The following DKKL1 variants were observed in gnomAD, a reference collection of about 807,000 sequenced individuals.
DKKL1 encodes the protein dickkopf like acrosomal protein 1.
Under a neutral mutation model 16.5 loss-of-function variants are expected in DKKL1, and 11 were observed. The observed-to-expected ratio is 0.67, with a 90% CI of 0.42 to 1.10. DKKL1 has a LOEUF of 1.10. Among genes scored for constraint, DKKL1 ranks in the 50% least tolerant of loss-of-function variants. The probability of loss-of-function intolerance (pLI) is 0.00; values close to 1 mark genes in which losing one functional copy is unlikely to be tolerated. For missense variants in DKKL1, 320 were observed against 308.1 expected, an observed-to-expected ratio of 1.04 and a Z score of -0.29; for synonymous variants, 119 against 133.2, an observed-to-expected ratio of 0.89 and a Z score of 0.73.
At chr19:49,374,044 G>A (rs892333546) in intron 4 of DKKL1, among the ~76,000 whole-genome samples, 8 of 151,882 alleles carry the variant, frequency 5.3e-5, no homozygotes, top group African/African-American at 1.9e-4. Context: ...GAGTGCAGTG[G>A]TGCGATCTCG....
chr19:49,363,203 G>C (rs1468556939), upstream of DKKL1: 1 of 152,408 alleles, frequency 6.6e-6, no homozygotes, highest in Admixed American at 6.5e-5. Context: ...AAGGCTGCGT[G>C]TTCAAAATTA....
rs368445433 is a variant in DKKL1, at chr19:49,364,531, G to T, written c.11-51G>T. On this transcript the variant is annotated intron_variant, in intron 1 of 4. Coordinates refer to ENST00000221498, the MANE Select transcript of DKKL1 (RefSeq NM_014419.4). ...GCAAGGTGCTGGAGAGGGGCGTCTT[G>T]GGTGGGGGCGTGGCCACTGTGCGGG... The T allele has an allele frequency of 2.6e-6, 4 of 1,527,906 alleles. No individual in the cohort carries two copies. In the South Asian group the frequency reaches 3.7e-5, roughly 14 times the overall value. The allele number at this position is 1,527,906 out of a possible 1,614,324, so 94.6% of individuals were successfully genotyped here. A position where few individuals can be genotyped will look rare whatever the true frequency, so the allele number is the denominator to read the frequency against.
chr19:49,372,681 G>A (rs1483663096), intron 4 of DKKL1, among the ~76,000 whole-genome samples: 24 of 141,188 alleles, frequency 1.7e-4, no homozygotes, highest in African/African-American at 5.9e-4. Context: ...GCGACAGAGC[G>A]AGACTCCGTC....
Position 49,375,097 on chromosome 19 carries a change from A to C in DKKL1, c.*69A>C. 13 of 1,475,330 alleles carry C rather than the reference A, an allele frequency of 8.8e-6. No homozygotes were observed. The highest frequency in any genetic ancestry group is 1.1e-5 in the Non-Finnish European group (12 of 1,107,676). The allele number at this position is 1,475,330 out of a possible 1,614,324, so 91.4% of individuals were successfully genotyped here. A position where few individuals can be genotyped will look rare whatever the true frequency, so the allele number is the denominator to read the frequency against. On this transcript the variant is annotated 3_prime_UTR_variant, in exon 5 of 5. Transcript: ENST00000221498. ...CTGCCCCAAGCACCATATGGAAATA[A>C]AGTTCTTTCTTACATCTAACAACAC...
chr19:49,366,222 T>C (rs1343987332), intron 4 of DKKL1, among the ~76,000 whole-genome samples: 4 of 152,146 alleles, frequency 2.6e-5, no homozygotes, highest in African/African-American at 4.8e-5. Context: ...TGAGCCACCA[T>C]GCCTGGTGAG....
chr19:49,372,434 C>G (rs1354461702), intron 4 of DKKL1, among the ~76,000 whole-genome samples: 1 of 152,148 alleles, frequency 6.6e-6, no homozygotes, highest in Non-Finnish European at 1.5e-5. Flanking sequence ...TGGCTCACAC[C>G]TGTAATCCCA....
chr19:49,366,136 G>A (rs928333173), intron 4 of DKKL1, among the ~76,000 whole-genome samples: 1 of 152,200 alleles, frequency 6.6e-6, no homozygotes, highest in Non-Finnish European at 1.5e-5. Context: ...TCTCCATGTT[G>A]GTCAGGCTGG....
At chr19:49,374,611 C>A in intron 4 of DKKL1, 106 bp from the exon 5 acceptor site, 1 of 1,091,910 alleles carries the variant, frequency 9.2e-7, no homozygotes, top group Non-Finnish European at 1.3e-6. Flanking sequence ...TTTGAACCCA[C>A]AAAGCATCCT....
chr19:49,363,652 T>G, upstream of DKKL1: 3 of 386,744 alleles, frequency 7.8e-6, no homozygotes, highest in East Asian at 6.0e-5. Flanking sequence ...AGGACTGAGG[T>G]CAACTGACGT....
At chr19:49,360,753 G>A (rs180694559), upstream of DKKL1, among the ~76,000 whole-genome samples, 1,307 of 74,734 alleles carry the variant, frequency 0.017, 19 homozygotes, top group Non-Finnish European at 0.032. Flanking sequence ...ACCCAGAGAG[G>A]GAGGGGGACA....
intron 4 of DKKL1, among the ~76,000 whole-genome samples, chr19:49,374,195 C>T (rs1973630184): frequency 6.6e-6 from 1 of 152,086 alleles, no homozygotes; most frequent in Non-Finnish European, 1.5e-5. Context: ...ACCGTGTTAG[C>T]CAGGATGGTC....
In DKKL1 at chr19:49,364,613, G is replaced by T. The variant is rs891837616; in HGVS notation, c.42G>T (p.Leu14=). Reference sequence around the variant, plus strand: ...CACCTGCCCCCGCAAGGCGGCATCTGCTGGTCCTGCTGCTGCTCCTCTCTA... The same window carrying T: ...CACCTGCCCCCGCAAGGCGGCATCTTCTGGTCCTGCTGCTGCTCCTCTCTA... ...ASPPAPARRH[L]LVLLLLLSTL... The change falls in exon 2 of 5, where the codon CTG becomes CTT. Residue 14 remains leucine (L), a synonymous_variant. Coordinates refer to ENST00000221498, the MANE Select transcript of DKKL1 (RefSeq NM_014419.4). 1 of 1,613,002 alleles carries T rather than the reference G, an allele frequency of 6.2e-7. No individual in the cohort carries two copies. Among genetic ancestry groups the T allele is most frequent in the Non-Finnish European group, 8.5e-7 (1 of 1,179,964 alleles).
Position 49,374,982 on chromosome 19 carries a change from G to A in DKKL1, c.683G>A (p.Arg228Gln), listed in dbSNP as rs4802599. The change falls in exon 5 of 5, where the codon CGA becomes CAA. Residue 228 changes from arginine to glutamine, a missense_variant. Arg to Gln is a conservative substitution (Grantham distance 43). Transcript: ENST00000221498. Reference sequence around the variant, plus strand: ...TCCTCCCACTCCAGGCTGTCCCCCCGAAAGACCCACTTACTGTACATCCTC... The same window carrying A: ...TCCTCCCACTCCAGGCTGTCCCCCCAAAAGACCCACTTACTGTACATCCTC... ...ESSSHSRLSP[R>Q]KTHLLYILRP... 1.1e-5 allele frequency: 17 copies of A among 1,613,092 alleles called. No homozygotes were observed. The highest frequency in any genetic ancestry group is 1.4e-5 in the Non-Finnish European group (16 of 1,179,740).
intron 4 of DKKL1, among the ~76,000 whole-genome samples, chr19:49,367,863 G>T (rs897221066): frequency 6.6e-6 from 1 of 152,126 alleles, no homozygotes; most frequent in Non-Finnish European, 1.5e-5. Context: ...TTTTAAAAAT[G>T]TTTATTTAAA....
At chr19:49,372,303 G>A (rs114900257) in intron 4 of DKKL1, among the ~76,000 whole-genome samples, 5,270 of 152,160 alleles carry the variant, frequency 0.035, 283 homozygotes, top group African/African-American at 0.12. Flanking sequence ...GCTCATACCC[G>A]TAGTCCCAGC....
intron 4 of DKKL1, among the ~76,000 whole-genome samples, chr19:49,372,520 C>T (rs1004743593): frequency 7.2e-5 from 11 of 151,854 alleles, no homozygotes; most frequent in African/African-American, 9.7e-5. Flanking sequence ...GGTGAAATCC[C>T]GTCTCTAGTA....
chr19:49,373,707 T>C (rs1384511029), intron 4 of DKKL1, among the ~76,000 whole-genome samples: 1 of 151,946 alleles, frequency 6.6e-6, no homozygotes, highest in Non-Finnish European at 1.5e-5. Flanking sequence ...TGACCTCAAG[T>C]GATCTGCCCA....
intron 2 of DKKL1, among the ~76,000 whole-genome samples, chr19:49,365,236 G>C (rs942715675): frequency 6.6e-6 from 1 of 151,972 alleles, no homozygotes; most frequent in Non-Finnish European, 1.5e-5. Flanking sequence ...GAGGAGATGG[G>C]ACAGAGACAA....
At chr19:49,363,857 C>T (rs1000873209), upstream of DKKL1, 1 of 1,229,214 alleles carries the variant, frequency 8.1e-7, no homozygotes, top group Non-Finnish European at 1.1e-6. Flanking sequence ...GCTCGCGGAG[C>T]GCAACCAACG....
Sources: gnomAD v4.1 joint callset for allele counts (sites outside exome capture counted in the v4.1 genomes callset) on GRCh38, gnomAD v4.1.1 for gene constraint, MANE v1.5 for transcripts, NCBI Gene and HGNC (gene_info 2026-07-23, HGNC 2026-07-21) for gene names.